The following CCDC3 variants were observed in gnomAD, a reference collection of about 807,000 sequenced individuals.
CCDC3 encodes the protein coiled-coil domain-containing protein 3.
In CCDC3, 24 loss-of-function variants were observed where a neutral mutation model predicts 21.4. The ratio of observed to expected loss-of-function variants is 1.12; its 90% CI spans 0.81 to 1.58. The LOEUF is 1.58. Among genes scored for constraint, CCDC3 ranks in the 40% most tolerant of loss-of-function variants. The pLI is 0.00. For synonymous variants in CCDC3, 186 were observed against 166.0 expected (o/e 1.12, Z -0.93); for missense variants, 425 against 360.9 (o/e 1.18, Z -1.44).
At chr10:13,017,996 A>G (rs2131403092) in intron 5 of CCDC3, among the ~76,000 whole-genome samples, 1 of 152,218 alleles carries the variant, frequency 6.6e-6, no homozygotes, top group Middle Eastern at 3.4e-3. Context: ...TAAAATGCCA[A>G]GTGTCCCTAT....
chr10:12,960,168 A>AACACACACACACACACAC (rs10626900), intron 2 of CCDC3, among the ~76,000 whole-genome samples: 161 of 148,854 alleles, frequency 1.1e-3, no homozygotes, highest in African/African-American at 3.5e-3. Context: ...ACACACACAC[A>AACACACACACACACACAC]ACACACACAC....
intron 2 of CCDC3, among the ~76,000 whole-genome samples, chr10:12,986,721 C>T (rs61851358): frequency 0.088 from 13,159 of 150,162 alleles, 743 homozygotes; most frequent in Non-Finnish European, 0.12. Context: ...TGCAGTGAGC[C>T]GAGATCGTGC....
At chr10:13,081,727 A>C (rs1433266008) in intron 3 of CCDC3, among the ~76,000 whole-genome samples, 1 of 152,220 alleles carries the variant, frequency 6.6e-6, no homozygotes, top group Non-Finnish European at 1.5e-5. Context: ...AAAAGTAAAA[A>C]ACCTAAGGCA....
intron 2 of CCDC3, among the ~76,000 whole-genome samples, chr10:12,911,022 T>C (rs543043031): frequency 1.3e-5 from 2 of 152,336 alleles, no homozygotes; most frequent in African/African-American, 4.8e-5. Flanking sequence ...ACTGTTCCAT[T>C]CTATAAACGA....
At chr10:12,961,956 C>T (rs887840736) in intron 2 of CCDC3, among the ~76,000 whole-genome samples, 3 of 152,072 alleles carry the variant, frequency 2.0e-5, no homozygotes, top group African/African-American at 4.8e-5. Flanking sequence ...TACTTGGACC[C>T]GTATATGCTA....
intron 2 of CCDC3, among the ~76,000 whole-genome samples, chr10:12,901,679 T>C (rs1163085978): frequency 6.6e-6 from 1 of 152,250 alleles, no homozygotes; most frequent in Non-Finnish European, 1.5e-5. Context: ...TGAAAAATGT[T>C]TAGAACCATG....
chr10:12,904,957 AAT>A (rs1272078695), intron 2 of CCDC3, among the ~76,000 whole-genome samples: 1 of 152,156 alleles, frequency 6.6e-6, no homozygotes, highest in Non-Finnish European at 1.5e-5. Context: ...TTTTTAAAAA[AAT>A]ATCTCATGGC....
intron 2 of CCDC3, among the ~76,000 whole-genome samples, chr10:12,970,493 G>T (rs1484161678): frequency 6.6e-6 from 1 of 152,168 alleles, no homozygotes; most frequent in Non-Finnish European, 1.5e-5. Flanking sequence ...ATGTTAATTA[G>T]CTTGATGTAG....
At chr10:12,997,868 T>C (rs1026538957) in intron 2 of CCDC3, among the ~76,000 whole-genome samples, 4 of 152,200 alleles carry the variant, frequency 2.6e-5, no homozygotes, top group African/African-American at 4.8e-5. Flanking sequence ...GGAAGAAGAA[T>C]TGTCTTGGGC....
chr10:12,998,575 C>T, intron 1 of CCDC3, 63 bp from the exon 2 acceptor site: 1 of 1,503,240 alleles, frequency 6.7e-7, no homozygotes, highest in Non-Finnish European at 9.0e-7. Context: ...AGCTCCAATC[C>T]AGAGTCACAG....
intron 5 of CCDC3, among the ~76,000 whole-genome samples, chr10:13,034,980 C>T (rs562678067): frequency 6.6e-6 from 1 of 150,990 alleles, no homozygotes; most frequent in East Asian, 1.9e-4. Context: ...GAGCCAAGAT[C>T]ACGCCATTAC....
chr10:13,005,551 T>C (rs1159049824), upstream of CCDC3, among the ~76,000 whole-genome samples: 1 of 152,208 alleles, frequency 6.6e-6, no homozygotes, highest in Admixed American at 6.5e-5. Flanking sequence ...TACCACAGCC[T>C]AGTAGCAAGG....
At chr10:13,053,060 G>T (rs973645358) in intron 4 of CCDC3, among the ~76,000 whole-genome samples, 14 of 150,822 alleles carry the variant, frequency 9.3e-5, no homozygotes, top group African/African-American at 3.4e-4. Flanking sequence ...ATCCAGTTTT[G>T]GATACTTCTG....
At chr10:12,915,590 TAG>T (rs1388036107) in intron 2 of CCDC3, among the ~76,000 whole-genome samples, 3 of 152,188 alleles carry the variant, frequency 2.0e-5, no homozygotes, top group Non-Finnish European at 4.4e-5. Context: ...TTTGAGGAAG[TAG>T]AGATTTATTT....
chr10:13,061,711 G>A (rs990731436), intron 4 of CCDC3, among the ~76,000 whole-genome samples: 1 of 152,190 alleles, frequency 6.6e-6, no homozygotes, highest in African/African-American at 2.4e-5. Context: ...ACATTTTCTG[G>A]CTGCCAATTG....
At chr10:12,915,978 A>C (rs2131209714) in intron 2 of CCDC3, among the ~76,000 whole-genome samples, 1 of 152,200 alleles carries the variant, frequency 6.6e-6, no homozygotes, top group Non-Finnish European at 1.5e-5. Context: ...CATGGGGGCT[A>C]GTCTGGAGCC....
At chr10:12,935,299 A>T (rs1029378938) in intron 2 of CCDC3, among the ~76,000 whole-genome samples, 2 of 151,240 alleles carry the variant, frequency 1.3e-5, no homozygotes, top group Non-Finnish European at 3.0e-5. Flanking sequence ...GCTCACTGCA[A>T]CCTCCATCTC....
intron 3 of CCDC3, among the ~76,000 whole-genome samples, chr10:13,092,103 G>C (rs745491301): frequency 1.3e-5 from 2 of 152,196 alleles, no homozygotes; most frequent in Non-Finnish European, 2.9e-5. Flanking sequence ...CGGGCACACT[G>C]TGAACATACA....
rs1290885331 is a variant in CCDC3 at position 12,898,216 on chromosome 10, G to A, written c.*200C>T. The A allele has an allele frequency of 6.2e-6, 4 of 641,544 alleles. No individual in the cohort carries two copies. The highest frequency in any genetic ancestry group is 2.6e-6 in the Non-Finnish European group (1 of 380,010). 39.7% of individuals were successfully genotyped at this position (641,544 alleles called of 1,614,324 possible). On this transcript the variant is annotated 3_prime_UTR_variant, in exon 3 of 3. Coordinates refer to ENST00000378825, the MANE Select transcript of CCDC3 (RefSeq NM_031455.4). Reference sequence around the variant, plus strand: ...ACTGCGTCTGGGGTCAGGCCAGGAAGGGGCAGCGCGTGGGGTCTGACATTG... The same window carrying A: ...ACTGCGTCTGGGGTCAGGCCAGGAAAGGGCAGCGCGTGGGGTCTGACATTG...
Sources: gnomAD v4.1 joint callset for allele counts (sites outside exome capture counted in the v4.1 genomes callset) on GRCh38, gnomAD v4.1.1 for gene constraint, MANE v1.5 for transcripts, NCBI Gene and HGNC (gene_info 2026-07-23, HGNC 2026-07-21) for gene names.